EYA1: variants seen among roughly 807,000 people sequenced by gnomAD.
EYA1 encodes the protein protein phosphatase EYA1.
EYA1 carries 16 observed loss-of-function variants against 82.0 expected under a neutral mutation model. The ratio of observed to expected loss-of-function variants is 0.20; its 90% CI spans 0.13 to 0.30. The LOEUF is 0.30. Ranked by LOEUF, EYA1 falls within the 10% of genes least tolerant of loss-of-function variation. The pLI, the probability that EYA1 is intolerant of heterozygous loss-of-function variation, is 1.00. For missense variants in EYA1, 633 were observed against 730.7 expected, an observed-to-expected ratio of 0.87 and a Z score of 1.54; for synonymous variants, 261 against 264.4, an observed-to-expected ratio of 0.99 and a Z score of 0.12.
At chr8:71,212,947 T>C (rs745872996) in intron 16 of EYA1, among the ~76,000 whole-genome samples, 9 of 152,182 alleles carry the variant, frequency 5.9e-5, no homozygotes, top group South Asian at 4.1e-4. Flanking sequence ...CATGGTGGTG[T>C]GTGCCTGTAA....
intron 2 of EYA1, among the ~76,000 whole-genome samples, chr8:71,447,056 C>T (rs914097056): frequency 2.0e-5 from 3 of 147,982 alleles, no homozygotes; most frequent in Non-Finnish European, 3.0e-5. Context: ...AACTGTCATG[C>T]TCTGAAATCT....
intron 2 of EYA1, among the ~76,000 whole-genome samples, chr8:71,420,314 G>T (rs1831078993): frequency 6.6e-6 from 1 of 152,154 alleles, no homozygotes; most frequent in Non-Finnish European, 1.5e-5. Flanking sequence ...TGAGATGGAA[G>T]AAAGGACAGA....
intron 12 of EYA1, among the ~76,000 whole-genome samples, chr8:71,235,806 G>A (rs949649788): frequency 3.3e-5 from 5 of 152,104 alleles, no homozygotes; most frequent in South Asian, 2.1e-4. Flanking sequence ...ATAGCATGTC[G>A]GTTCTGAAAC....
chr8:71,423,155 A>C (rs1363793458), intron 2 of EYA1, among the ~76,000 whole-genome samples: 1 of 152,092 alleles, frequency 6.6e-6, no homozygotes, highest in Non-Finnish European at 1.5e-5. Flanking sequence ...AATTGTTGTT[A>C]TTGGGTATGG....
intron 2 of EYA1, among the ~76,000 whole-genome samples, chr8:71,514,386 T>G (rs35510588): frequency 0.054 from 8,277 of 152,248 alleles, 304 homozygotes; most frequent in East Asian, 0.12. Context: ...CTAACTTTTA[T>G]AAAATCATTT....
chr8:71,429,488 G>A (rs1805475066), intron 2 of EYA1, among the ~76,000 whole-genome samples: 1 of 152,074 alleles, frequency 6.6e-6, no homozygotes, highest in Middle Eastern at 3.2e-3. Context: ...TTGATAATAA[G>A]AGAAATATAG....
chr8:71,220,857 G>A (rs888670711), intron 12 of EYA1, among the ~76,000 whole-genome samples: 4 of 152,206 alleles, frequency 2.6e-5, no homozygotes, highest in Admixed American at 1.3e-4. Context: ...GGAGCCAGGA[G>A]AGGGCAGAGG....
chr8:71,279,975 C>A (rs1364896836), intron 9 of EYA1, among the ~76,000 whole-genome samples: 1 of 152,210 alleles, frequency 6.6e-6, no homozygotes, highest in Non-Finnish European at 1.5e-5. Flanking sequence ...TTCCACTCTG[C>A]TGTCATAGCA....
intron 17 of EYA1, among the ~76,000 whole-genome samples, chr8:71,209,974 C>G (rs902924508): frequency 2.6e-5 from 4 of 152,146 alleles, no homozygotes; most frequent in African/African-American, 9.7e-5. Context: ...ACAATAGCTA[C>G]CATTTGTTGT....
chr8:71,466,764 A>G (rs1808799415), intron 2 of EYA1, among the ~76,000 whole-genome samples: 1 of 152,156 alleles, frequency 6.6e-6, no homozygotes, highest in Non-Finnish European at 1.5e-5. Context: ...GAAGATTTTT[A>G]TATATGTTTA....
chr8:71,380,828 C>T (rs1377546931), intron 2 of EYA1, among the ~76,000 whole-genome samples: 1 of 152,226 alleles, frequency 6.6e-6, no homozygotes, highest in African/African-American at 2.4e-5. Flanking sequence ...ATTTTCTTTT[C>T]CTGTTTCTTC....
intron 2 of EYA1, among the ~76,000 whole-genome samples, chr8:71,523,388 C>T (rs184684764): frequency 3.9e-5 from 6 of 152,046 alleles, no homozygotes; most frequent in Admixed American, 2.0e-4. Context: ...CTGTGTTAGC[C>T]AGGATGGTCT....
intron 12 of EYA1, among the ~76,000 whole-genome samples, chr8:71,234,939 C>T (rs1442435804): frequency 6.6e-6 from 1 of 152,168 alleles, no homozygotes; most frequent in East Asian, 1.9e-4. Flanking sequence ...CACTCTTCTT[C>T]AGAAGTGTGA....
At chr8:71,360,184 G>A (rs923218407) in intron 1 of EYA1, among the ~76,000 whole-genome samples, 6 of 151,934 alleles carry the variant, frequency 3.9e-5, no homozygotes, top group Non-Finnish European at 7.4e-5. Flanking sequence ...GCAATGCGTC[G>A]TTTAAAGAAA....
At chr8:71,437,312 T>C (rs1806086865) in intron 2 of EYA1, among the ~76,000 whole-genome samples, 1 of 151,896 alleles carries the variant, frequency 6.6e-6, no homozygotes, top group South Asian at 2.1e-4. Flanking sequence ...ATTATTTTCA[T>C]TATTTATCTT....
rs1212971758 is a variant in EYA1, at chr8:71,456,463, A to C, written c.33+79281T>G. 5.9e-5 allele frequency among the ~76,000 whole-genome samples: 9 copies of C among 152,338 alleles called. No homozygotes were observed. In the East Asian group the frequency reaches 1.4e-3, roughly 23 times the overall value. On this transcript the variant is annotated intron_variant, in intron 2 of 18. Coordinates refer to the EYA1 transcript ENST00000643681. ...CGCATTGCCAAGTCAATCCTAAGCC[A>C]AAAGAACAAAGCTGGAGGCATCAAG...
At chr8:71,457,354 G>A (rs563576700) in intron 2 of EYA1, among the ~76,000 whole-genome samples, 9 of 152,262 alleles carry the variant, frequency 5.9e-5, no homozygotes, top group South Asian at 4.2e-4. Context: ...ACAGTGTGGC[G>A]ATTCCTCAAG....
chr8:71,403,090 T>A (rs1030427927), intron 2 of EYA1, among the ~76,000 whole-genome samples: 1 of 152,184 alleles, frequency 6.6e-6, no homozygotes, highest in South Asian at 2.1e-4. Flanking sequence ...GAATTGACTA[T>A]ATAGATATTT....
chr8:71,213,359 C>T (rs918817189), intron 16 of EYA1, among the ~76,000 whole-genome samples: 1 of 152,180 alleles, frequency 6.6e-6, no homozygotes, highest in Admixed American at 6.5e-5. Context: ...CTATGGGCTG[C>T]TTCGGCATTT....
Sources: allele counts gnomAD v4.1 joint callset (sites outside exome capture counted in the v4.1 genomes callset), GRCh38; gene constraint gnomAD v4.1.1; transcripts MANE v1.5; gene names NCBI Gene and HGNC (gene_info 2026-07-23, HGNC 2026-07-21).